ATP11B: variants seen among roughly 807,000 people sequenced by gnomAD.
The protein encoded by ATP11B is ATPase phospholipid transporting 11B (putative).
Under a neutral mutation model 157.8 loss-of-function variants are expected in ATP11B, and 81 were observed. That is an observed-to-expected ratio of 0.51 (90% CI 0.43 to 0.62). The LOEUF (loss-of-function observed/expected upper bound fraction) is 0.62. ATP11B is among the 20% of genes least tolerant of loss of function. The probability of loss-of-function intolerance (pLI) is 0.00; values close to 1 mark genes in which losing one functional copy is unlikely to be tolerated. For synonymous variants in ATP11B, 451 were observed against 469.4 expected, an observed-to-expected ratio of 0.96 and a Z score of 0.51; for missense variants, 1,165 against 1,402.2, an observed-to-expected ratio of 0.83 and a Z score of 2.70.
At chr3:182,863,156 G>A (rs1720975365) in intron 12 of ATP11B, among the ~76,000 whole-genome samples, 1 of 151,862 alleles carries the variant, frequency 6.6e-6, no homozygotes, top group Non-Finnish European at 1.5e-5. Context: ...CACCCGCCTC[G>A]GCCTCCCAAA....
At chr3:182,868,029 C>G (rs1721376414) in intron 15 of ATP11B, among the ~76,000 whole-genome samples, 1 of 152,136 alleles carries the variant, frequency 6.6e-6, no homozygotes, top group Admixed American at 6.5e-5. Flanking sequence ...TGTATCTCAT[C>G]ATAGTTATAA....
intron 25 of ATP11B, among the ~76,000 whole-genome samples, chr3:182,890,971 G>A (rs1723133540): frequency 6.6e-6 from 1 of 152,140 alleles, no homozygotes; most frequent in South Asian, 2.1e-4. Flanking sequence ...ACACCAACAT[G>A]GCACATGTAT....
chr3:182,872,452 C>A lies in ATP11B; in HGVS notation c.1963C>A (p.Gln655Lys), dbSNP rs1721733387. ...KRIFEARTAL[Q>K]QREEKLAAVF... ...CATATTTGAAGCCAGGACTGCCTTG[C>A]AGCAGCGGGAAGAGAAATTGGCAGC... Residue 655 changes from glutamine to lysine, a missense_variant, in exon 18 of 30, where the codon CAG becomes AAG. Gln to Lys is a moderately conservative substitution (Grantham distance 53). Around this residue, in one of 4 missense-constraint regions of ATP11B, gnomAD observed 737 missense variants for 930.5 expected, o/e 0.79. Transcript: ENST00000323116. 1 of 1,613,928 alleles carries A rather than the reference C, an allele frequency of 6.2e-7. No individual in the cohort carries two copies. The highest frequency in any genetic ancestry group is 1.3e-5 in the African/African-American group (1 of 74,906).
At chr3:182,803,032 G>A (rs902967470) in intron 1 of ATP11B, among the ~76,000 whole-genome samples, 10 of 151,996 alleles carry the variant, frequency 6.6e-5, no homozygotes, top group Non-Finnish European at 7.4e-5. Flanking sequence ...TCGGATTGTT[G>A]CCAATTTTTT....
At chr3:182,838,916 T>C (rs750773788) in intron 7 of ATP11B, among the ~76,000 whole-genome samples, 3 of 152,126 alleles carry the variant, frequency 2.0e-5, no homozygotes, top group African/African-American at 4.8e-5. Context: ...TTGAATGATA[T>C]AGGTACATAC....
chr3:182,814,017 C>T (rs921404556), intron 1 of ATP11B, among the ~76,000 whole-genome samples: 1 of 151,866 alleles, frequency 6.6e-6, no homozygotes, highest in African/African-American at 2.4e-5. Flanking sequence ...TGAGCCACCA[C>T]GCCTGACTGA....
At chr3:182,913,233 G>GT (rs1355775638) in intron 28 of ATP11B, among the ~76,000 whole-genome samples, 1 of 152,182 alleles carries the variant, frequency 6.6e-6, no homozygotes, top group Non-Finnish European at 1.5e-5. Flanking sequence ...CCACTTAAAA[G>GT]TTTTTAGCAA....
At position 182,884,858 on chromosome 3, in the gene ATP11B, A is replaced by C; in HGVS notation, c.2615A>C (p.Tyr872Ser). Residue 872 changes from tyrosine to serine, a missense_variant, in exon 22 of 30, where the codon TAT becomes TCT. Tyr to Ser is a moderately radical substitution (Grantham distance 144). Around this residue, in one of 4 missense-constraint regions of ATP11B, gnomAD observed 737 missense variants for 930.5 expected, o/e 0.79. Coordinates refer to ENST00000323116, the MANE Select transcript of ATP11B (RefSeq NM_014616.3). Reference sequence around the variant, plus strand: ...CTTTTTGTTCATGGTCATTTTTATTATATTAGAATAGCTACCCTTGTACAG... The same window carrying C: ...CTTTTTGTTCATGGTCATTTTTATTCTATTAGAATAGCTACCCTTGTACAG... Reference protein sequence around the residue: ...KLLFVHGHFYYIRIATLVQYF... With the variant: ...KLLFVHGHFYSIRIATLVQYF... 1 of 1,546,438 alleles carries C rather than the reference A, an allele frequency of 6.5e-7. No individual in the cohort carries two copies. Among genetic ancestry groups the C allele is most frequent in the Non-Finnish European group, 8.9e-7 (1 of 1,125,984 alleles).
chr3:182,846,694 A>C (rs1390986079), intron 9 of ATP11B, among the ~76,000 whole-genome samples: 1 of 152,224 alleles, frequency 6.6e-6, no homozygotes, highest in Admixed American at 6.5e-5. Context: ...CCCTGAAAAT[A>C]CTATGTTGAG....
chr3:182,907,176 G>A (rs986337454), intron 28 of ATP11B, among the ~76,000 whole-genome samples: 11 of 152,150 alleles, frequency 7.2e-5, no homozygotes, highest in Middle Eastern at 3.4e-3. Context: ...CAACCATTTC[G>A]AGACCTAATA....
chr3:182,862,663 G>A (rs1720932227), intron 12 of ATP11B, among the ~76,000 whole-genome samples: 1 of 152,142 alleles, frequency 6.6e-6, no homozygotes, highest in Non-Finnish European at 1.5e-5. Context: ...TACTTCCTGA[G>A]CGTTTCTGAG....
intron 12 of ATP11B, among the ~76,000 whole-genome samples, chr3:182,861,065 C>CTTTTAATACT (rs372335715): frequency 7.3e-6 from 1 of 137,422 alleles, no homozygotes. Flanking sequence ...AACAATAATA[C>CTTTTAATACT]TTTTTTTTTT....
intron 13 of ATP11B, among the ~76,000 whole-genome samples, chr3:182,865,930 C>T (rs915094250): frequency 1.2e-5 from 1 of 82,784 alleles, no homozygotes; most frequent in Non-Finnish European, 3.6e-5. Context: ...TTAAATGGAA[C>T]GTAGTTAAGA....
chr3:182,800,982 A>G (rs1715973502), intron 1 of ATP11B, among the ~76,000 whole-genome samples: 1 of 141,060 alleles, frequency 7.1e-6, no homozygotes, highest in African/African-American at 2.6e-5. Flanking sequence ...TCGTATTGTT[A>G]GTAGAGACAG....
At position 182,921,410 on chromosome 3, in the gene ATP11B, T is replaced by A. The variant is rs1053630971; in HGVS notation, c.*3306T>A. ...AATAGATCATAACTCATGATATGTT[T>A]GTAATCATGGTAATTTAGATTTTTA... is the stretch of plus-strand genomic sequence containing the variant. On this transcript the variant is annotated 3_prime_UTR_variant, in exon 30 of 30. Transcript: ENST00000323116. 1.3e-5 allele frequency: 2 copies of A among 152,216 alleles called. No individual in the cohort carries two copies. The highest frequency in any genetic ancestry group is 4.8e-5 in the African/African-American group (2 of 41,448). 9.4% of individuals were successfully genotyped at this position (152,216 alleles called of 1,614,324 possible). A position where few individuals can be genotyped will look rare whatever the true frequency, so the allele number is the denominator to read the frequency against.
intron 28 of ATP11B, 36 bp downstream of exon 28, chr3:182,898,808 A>T: frequency 7.4e-7 from 1 of 1,346,904 alleles, no homozygotes; most frequent in Non-Finnish European, 9.8e-7. Context: ...ATATCTTTTT[A>T]GTTAGGGATC....
intron 21 of ATP11B, among the ~76,000 whole-genome samples, chr3:182,881,194 G>A (rs1256202029): frequency 6.6e-6 from 1 of 152,062 alleles, no homozygotes; most frequent in Non-Finnish European, 1.5e-5. Flanking sequence ...CCAGCACTTT[G>A]GGGGGTTGAG....
At chr3:182,820,407 G>A in intron 2 of ATP11B, 31 bp downstream of exon 2, 1 of 1,421,060 alleles carries the variant, frequency 7.0e-7, no homozygotes, top group Non-Finnish European at 1.0e-6. Flanking sequence ...TGTTAGGCCA[G>A]GTGCAGTGGC....
chr3:182,882,881 C>T (rs987538592), intron 21 of ATP11B, among the ~76,000 whole-genome samples: 4 of 151,950 alleles, frequency 2.6e-5, no homozygotes, highest in East Asian at 1.9e-4. Flanking sequence ...TGTGAGCAAT[C>T]GATTGTTATG....
Sources: allele counts gnomAD v4.1 joint callset (sites outside exome capture counted in the v4.1 genomes callset), GRCh38; gene constraint gnomAD v4.1.1; regional missense constraint gnomAD v4.1.1; transcripts MANE v1.5; gene names NCBI Gene and HGNC (gene_info 2026-07-23, HGNC 2026-07-21).